The following STARD13 variants were observed in gnomAD, a reference collection of about 807,000 sequenced individuals.
The protein encoded by STARD13 is stAR-related lipid transfer protein 13.
A neutral mutation model predicts 106.4 loss-of-function variants in STARD13; 62 were observed. That is an observed-to-expected ratio of 0.58 (90% CI 0.48 to 0.72). STARD13 has a LOEUF of 0.72. Ranked by LOEUF, STARD13 falls within the 30% of genes least tolerant of loss-of-function variation. STARD13 has a pLI of 0.00. For missense variants in STARD13, 1,387 were observed against 1,424.0 expected (o/e 0.97, Z 0.42); for synonymous variants, 565 against 553.0 (o/e 1.02, Z -0.31).
the STARD13 span, among the ~76,000 whole-genome samples, chr13:33,564,049 G>C: frequency 6.9e-6 from 1 of 145,082 alleles, no homozygotes; most frequent in East Asian, 2.0e-4. Flanking sequence ...AAATTAGCCG[G>C]GTGTGGTGGT....
chr13:33,176,123 T>C (rs1324555441), intron 1 of STARD13, among the ~76,000 whole-genome samples: 2 of 152,250 alleles, frequency 1.3e-5, no homozygotes, highest in South Asian at 4.1e-4. Flanking sequence ...CAAGGCTTTC[T>C]GCATGTAACT....
intron 1 of STARD13, among the ~76,000 whole-genome samples, chr13:33,212,958 T>C (rs1887811919): frequency 6.6e-6 from 1 of 152,336 alleles, no homozygotes; most frequent in East Asian, 1.9e-4. Context: ...CAAGGCAACC[T>C]ACCCCTTATC....
chr13:33,201,782 A>G (rs1887056444), intron 1 of STARD13, among the ~76,000 whole-genome samples: 1 of 152,194 alleles, frequency 6.6e-6, no homozygotes. Flanking sequence ...AATTGGAAGC[A>G]TGGTAAGAAG....
chr13:33,243,444 A>G (rs1889647305), intron 1 of STARD13, among the ~76,000 whole-genome samples: 1 of 152,186 alleles, frequency 6.6e-6, no homozygotes. Flanking sequence ...TGGGTGTGGG[A>G]AGGGCTACAC....
At chr13:33,190,853 G>A (rs1335751019) in intron 1 of STARD13, among the ~76,000 whole-genome samples, 1 of 151,812 alleles carries the variant, frequency 6.6e-6, no homozygotes, top group Non-Finnish European at 1.5e-5. Context: ...CAAAGTGCTG[G>A]GATTACAGGC....
chr13:33,234,369 C>A (rs1260639783), intron 1 of STARD13, among the ~76,000 whole-genome samples: 1 of 152,306 alleles, frequency 6.6e-6, no homozygotes, highest in South Asian at 2.1e-4. Flanking sequence ...TAAGAACCAG[C>A]CTTCCTCTTC....
chr13:33,402,605 C>T, the STARD13 span, among the ~76,000 whole-genome samples: 1 of 152,198 alleles, frequency 6.6e-6, no homozygotes, highest in African/African-American at 2.4e-5. Flanking sequence ...TTTTGGCCTG[C>T]CATATCCCCC....
intron 1 of STARD13, among the ~76,000 whole-genome samples, chr13:33,243,514 G>A (rs767753788): frequency 2.0e-4 from 31 of 152,080 alleles, no homozygotes; most frequent in Non-Finnish European, 4.3e-4. Context: ...TTAATCCTAT[G>A]GGTCATAGGG....
chr13:33,349,787 C>T (rs1447335105), intron 1 of STARD13, among the ~76,000 whole-genome samples: 4 of 152,240 alleles, frequency 2.6e-5, no homozygotes, highest in Admixed American at 1.3e-4. Flanking sequence ...ATCCCCCCCT[C>T]TACCCCCGAG....
intron 1 of STARD13, among the ~76,000 whole-genome samples, chr13:33,181,412 A>G: frequency 6.6e-6 from 1 of 152,216 alleles, no homozygotes; most frequent in Admixed American, 6.5e-5. Context: ...ACATTACCAG[A>G]TTGGAAACCA....
the STARD13 span, among the ~76,000 whole-genome samples, chr13:33,625,448 T>C: frequency 2.0e-5 from 3 of 150,726 alleles, no homozygotes; most frequent in African/African-American, 7.3e-5. Flanking sequence ...CACACGCCTG[T>C]AGTCCCAGCT....
the STARD13 span, among the ~76,000 whole-genome samples, chr13:33,674,912 G>A: frequency 1.3e-5 from 2 of 152,136 alleles, no homozygotes; most frequent in African/African-American, 4.8e-5. Context: ...CACATACATA[G>A]TATTTGGATG....
At chr13:33,503,956 A>T in the STARD13 span, among the ~76,000 whole-genome samples, 1 of 152,122 alleles carries the variant, frequency 6.6e-6, no homozygotes, top group East Asian at 1.9e-4. Context: ...ATATGAACAG[A>T]CTCTTCTCAA....
At chr13:33,469,918 T>G in the STARD13 span, among the ~76,000 whole-genome samples, 1 of 152,122 alleles carries the variant, frequency 6.6e-6, no homozygotes, top group African/African-American at 2.4e-5. Context: ...ATTTAAATTT[T>G]TTATTATACT....
chr13:33,363,696 T>A, the STARD13 span, among the ~76,000 whole-genome samples: 1 of 152,186 alleles, frequency 6.6e-6, no homozygotes, highest in South Asian at 2.1e-4. Flanking sequence ...TTTTCTAAAG[T>A]TACACCTAAG....
At chr13:33,261,842 T>C (rs183296491) in intron 1 of STARD13, among the ~76,000 whole-genome samples, 2 of 152,322 alleles carry the variant, frequency 1.3e-5, no homozygotes, top group Admixed American at 6.5e-5. Flanking sequence ...TTATGAATGC[T>C]TCATTCTTTC....
the STARD13 span, among the ~76,000 whole-genome samples, chr13:33,548,141 A>G: frequency 6.6e-6 from 1 of 152,052 alleles, no homozygotes; most frequent in African/African-American, 2.4e-5. Context: ...AAGTAATGCT[A>G]GGTGAAGGAA....
At chr13:33,530,872 T>C in the STARD13 span, among the ~76,000 whole-genome samples, 4 of 152,214 alleles carry the variant, frequency 2.6e-5, no homozygotes, top group Non-Finnish European at 4.4e-5. Flanking sequence ...CTACCTAGTG[T>C]TACAGTTCAT....
chr13:33,196,512 G>A (rs946096229), intron 1 of STARD13, among the ~76,000 whole-genome samples: 8 of 152,304 alleles, frequency 5.3e-5, no homozygotes, highest in African/African-American at 1.7e-4. Flanking sequence ...GTGGTTTCTG[G>A]GAGGGAGGGT....
Sources: gnomAD v4.1 joint callset for allele counts (sites outside exome capture counted in the v4.1 genomes callset) on GRCh38, gnomAD v4.1.1 for gene constraint, MANE v1.5 for transcripts, NCBI Gene and HGNC (gene_info 2026-07-23, HGNC 2026-07-21) for gene names.